The following KIAA2012 variants were observed in gnomAD, a reference collection of about 807,000 sequenced individuals.
The protein encoded by KIAA2012 is KIAA2012.
In KIAA2012, 125 loss-of-function variants were observed where a neutral mutation model predicts 150.6. That is an observed-to-expected ratio of 0.83 (90% confidence interval 0.72 to 0.96). KIAA2012 has a LOEUF of 0.96. KIAA2012 is among the 40% of genes least tolerant of loss of function. KIAA2012 has a pLI of 0.00. For missense variants in KIAA2012, 1,219 were observed against 1,354.9 expected (o/e 0.90, Z 1.57); for synonymous variants, 462 against 504.7 (o/e 0.92, Z 1.13).
chr2:202,126,823 C>T (rs1373004563), intron 12 of KIAA2012, among the ~76,000 whole-genome samples: 1 of 152,068 alleles, frequency 6.6e-6, no homozygotes, highest in African/African-American at 2.4e-5. Context: ...GTGACTTGCC[C>T]AAGGTCACAC....
chr2:202,108,212 C>T (rs1178538688), intron 9 of KIAA2012, among the ~76,000 whole-genome samples: 1 of 152,106 alleles, frequency 6.6e-6, no homozygotes. Context: ...TGTATGCATC[C>T]ACACATATAT....
rs1392496585 is a variant in KIAA2012 at position 202,188,138 on chromosome 2, T to C, written c.2377-14T>C. The stretch of plus-strand genomic sequence containing the variant: ...TACATATTATGGTCCCCTTCCTTGA[T>C]TTTTCACCTTTAGGAGAGGGATTTG... On this transcript the variant is annotated splice_polypyrimidine_tract_variant and intron_variant, in intron 17 of 23. Coordinates refer to ENST00000498697, the MANE Select transcript of KIAA2012 (RefSeq NM_001277372.4). 1.3e-6 allele frequency: 2 copies of C among 1,544,684 alleles called. No individual in the cohort carries two copies. Among genetic ancestry groups the C allele is most frequent in the Non-Finnish European group, 1.7e-6 (2 of 1,143,704 alleles).
rs749729092 is a variant in KIAA2012, at chr2:202,103,207, C to T, written c.1324+93C>T. 116 of 1,185,244 alleles carry T rather than the reference C, an allele frequency of 9.8e-5. No individual in the cohort carries two copies. The Middle Eastern group carries it at 1.1e-3, about 12-fold the overall frequency. The allele number at this position is 1,185,244 out of a possible 1,614,324, so 73.4% of individuals were successfully genotyped here. On this transcript the variant is annotated intron_variant, in intron 8 of 23. Transcript: ENST00000498697. ...GCTCCTACATCATGGCTGACGTTCCCTATGGTCATCCCCTTCAGAGAATAT... is the reference window on the plus strand; with the variant it reads ...GCTCCTACATCATGGCTGACGTTCCTTATGGTCATCCCCTTCAGAGAATAT...
chr2:202,149,879 G>A (rs1163808890), intron 13 of KIAA2012, among the ~76,000 whole-genome samples: 2 of 152,206 alleles, frequency 1.3e-5, no homozygotes, highest in Non-Finnish European at 2.9e-5. Flanking sequence ...TTACTGGGGA[G>A]AAGGATTTCT....
intron 14 of KIAA2012, among the ~76,000 whole-genome samples, chr2:202,161,853 CA>C: frequency 6.6e-6 from 1 of 152,088 alleles, no homozygotes; most frequent in East Asian, 1.9e-4. Context: ...GCTGAATGAA[CA>C]GAGGAAGAGC....
rs570962061 is a variant in KIAA2012 at position 202,095,694 on chromosome 2, C to G, written c.686-1741C>G. The stretch of plus-strand genomic sequence containing the variant: ...GTTTCCCCTCGCATTGATTGAGTCA[C>G]ATATTCAAACTCACCTGGGATATTA... On this transcript the variant is annotated intron_variant, in intron 4 of 23. Transcript: ENST00000498697. Among the ~76,000 whole-genome samples, 7 of 152,276 alleles carry G rather than the reference C, an allele frequency of 4.6e-5. No homozygotes were observed. The East Asian group carries it at 9.6e-4, about 21-fold the overall frequency.
In KIAA2012 at chr2:202,104,295, T is replaced by C. The variant is rs1451773389; in HGVS notation, c.1324+1181T>C. 6.6e-6 allele frequency among the ~76,000 whole-genome samples: 1 copy of C among 152,146 alleles called. No homozygotes were observed. Among genetic ancestry groups the C allele is most frequent in the Non-Finnish European group, 1.5e-5 (1 of 68,026 alleles). On this transcript the variant is annotated intron_variant, in intron 8 of 23. Coordinates refer to ENST00000498697, the MANE Select transcript of KIAA2012 (RefSeq NM_001277372.4). This position sits in a 1 kb window ranked among gnomAD's most constrained non-coding sequence, Gnocchi z 4.3. ...CTCAGCTCCCTAAAAAAAATAATAA[T>C]AATAAATAAAATCAACAACACAGTG...
At chr2:202,103,465 C>A (rs1690105167) in intron 8 of KIAA2012, among the ~76,000 whole-genome samples, 1 of 150,998 alleles carries the variant, frequency 6.6e-6, no homozygotes. Context: ...AACAAGACAA[C>A]TAAAATTGAA....
intron 9 of KIAA2012, among the ~76,000 whole-genome samples, chr2:202,109,371 C>T (rs1191995535): frequency 6.6e-6 from 1 of 152,106 alleles, no homozygotes; most frequent in East Asian, 1.9e-4. Flanking sequence ...GTCATTTTGG[C>T]CACCGGAGAT....
chr2:202,099,534 C>A (rs1014466477), intron 5 of KIAA2012, 79 bp from the exon 6 acceptor site: 9 of 1,182,086 alleles, frequency 7.6e-6, no homozygotes, highest in Non-Finnish European at 1.0e-5. Context: ...ATAAGCCTAG[C>A]CACAAGGGCT....
intron 2 of KIAA2012, among the ~76,000 whole-genome samples, chr2:202,089,854 G>A (rs1267554920): frequency 6.6e-6 from 1 of 152,110 alleles, no homozygotes; most frequent in Non-Finnish European, 1.5e-5. Flanking sequence ...GGTTACAAAG[G>A]TATATACAAT....
intron 13 of KIAA2012, among the ~76,000 whole-genome samples, chr2:202,150,512 G>A (rs927258597): frequency 5.3e-5 from 8 of 151,732 alleles, no homozygotes; most frequent in South Asian, 2.1e-4. Context: ...GCAGTGGCGC[G>A]ATCTCCGCTC....
intron 9 of KIAA2012, among the ~76,000 whole-genome samples, chr2:202,108,636 C>A (rs1690263378): frequency 1.3e-5 from 2 of 152,188 alleles, no homozygotes; most frequent in African/African-American, 4.8e-5. Context: ...TCAGATCAAA[C>A]CTTTTTGGCA....
Position 202,197,035 on chromosome 2 carries a change from G to A in KIAA2012, c.3407+16G>A, listed in dbSNP as rs1194225008. 4 of 1,550,472 alleles carry A rather than the reference G, an allele frequency of 2.6e-6. No individual in the cohort carries two copies. Among genetic ancestry groups the A allele is most frequent in the South Asian group, 2.4e-5 (2 of 84,056 alleles). ...AACAAGCCAGGTACTGGATATTTGG[G>A]CAACAGTTGCCATAGGGGGATGGTT... On this transcript the variant is annotated intron_variant, in intron 22 of 23. Transcript: ENST00000498697.
At chr2:202,110,465 C>T (rs73053535) in intron 10 of KIAA2012, among the ~76,000 whole-genome samples, 4,982 of 152,268 alleles carry the variant, frequency 0.033, 258 homozygotes, top group African/African-American at 0.11. Context: ...GAAGGTGCCA[C>T]GCTGGAGACT....
At chr2:202,096,789 G>A (rs1476671781) in intron 4 of KIAA2012, among the ~76,000 whole-genome samples, 5 of 152,194 alleles carry the variant, frequency 3.3e-5, no homozygotes, top group African/African-American at 1.2e-4. Context: ...AATCTACCTT[G>A]AGAAAGTGAT....
chr2:202,193,433 C>A lies in KIAA2012; in HGVS notation c.2944C>A (p.Gln982Lys). The A allele has an allele frequency of 6.5e-7, 1 of 1,550,290 alleles. No homozygotes were observed. Among genetic ancestry groups the A allele is most frequent in the Middle Eastern group, 1.7e-4 (1 of 5,896 alleles). Residue 982 changes from glutamine (Q) to lysine (K), a missense_variant, in exon 20 of 24, where the codon CAG becomes AAG. By Grantham distance (53) the Gln-to-Lys change is moderately conservative. Coordinates refer to ENST00000498697, the MANE Select transcript of KIAA2012 (RefSeq NM_001277372.4). Reference sequence around the variant, plus strand: ...AGAGCAAAGGCAGCTCCAGCAGGAGCAGCTGGAGAGAGCAAAAAAGATGGA... The same window carrying A: ...AGAGCAAAGGCAGCTCCAGCAGGAGAAGCTGGAGAGAGCAAAAAAGATGGA... ...QEEQRQLQQE[Q>K]LERAKKMEEE...
chr2:202,102,649 G>A (rs557343682), intron 7 of KIAA2012, among the ~76,000 whole-genome samples: 5 of 152,108 alleles, frequency 3.3e-5, no homozygotes, highest in East Asian at 3.9e-4. Flanking sequence ...ATTTTAGTCC[G>A]GCTCAGTCTT....
intron 22 of KIAA2012, 139 bp downstream of exon 22, chr2:202,197,158 T>C: frequency 3.1e-6 from 4 of 1,275,966 alleles, no homozygotes; most frequent in Non-Finnish European, 4.3e-6. Context: ...CTGAAAGGCA[T>C]AGAGGGATTC....
Sources: allele counts gnomAD v4.1 joint callset (sites outside exome capture counted in the v4.1 genomes callset), GRCh38; gene constraint gnomAD v4.1.1; non-coding constraint Gnocchi (gnomAD v3.1); transcripts MANE v1.5; gene names NCBI Gene and HGNC (gene_info 2026-07-23, HGNC 2026-07-21).